Variants in IKBKE observed in about 807,000 individuals in gnomAD.
IKBKE encodes inhibitor of nuclear factor kappa-B kinase subunit epsilon.
A neutral mutation model predicts 92.1 loss-of-function variants in IKBKE; 45 were observed. The ratio of observed to expected loss-of-function variants is 0.49; its 90% confidence interval spans 0.38 to 0.63. The LOEUF is 0.63. Among genes scored for constraint, IKBKE ranks in the 20% least tolerant of loss-of-function variants. The probability of loss-of-function intolerance (pLI) is 0.00; values close to 1 mark genes in which losing one functional copy is unlikely to be tolerated. For missense variants in IKBKE, 700 were observed against 932.8 expected (o/e 0.75, Z 3.25); for synonymous variants, 374 against 380.3 (o/e 0.98, Z 0.19).
chr1:206,480,904 C>A (rs1239050389), intron 13 of IKBKE, among the ~76,000 whole-genome samples: 1 of 152,206 alleles, frequency 6.6e-6, no homozygotes, highest in Admixed American at 6.5e-5. Flanking sequence ...CACACACCCA[C>A]GCACAGTTCC....
Position 206,480,143 on chromosome 1 carries a change from G to C in IKBKE, c.1340+30G>C, listed in dbSNP as rs545789610. On this transcript the variant is annotated intron_variant, in intron 12 of 21. Transcript: ENST00000581977. ...GTAATCATGAGGGCTGGGCACAGAGGGGGAGGCGGGCAGGAGAGGGAGGCG... is the reference window on the plus strand; with the variant it reads ...GTAATCATGAGGGCTGGGCACAGAGCGGGAGGCGGGCAGGAGAGGGAGGCG... The C allele has an allele frequency of 1.7e-5, 25 of 1,503,726 alleles. 1 individual carries two copies. In the South Asian group the frequency reaches 2.1e-4, roughly 13 times the overall value. 93.1% of individuals were successfully genotyped at this position (1,503,726 alleles called of 1,614,324 possible).
chr1:206,488,199 C>T (rs1173140013), intron 16 of IKBKE, among the ~76,000 whole-genome samples: 3 of 152,248 alleles, frequency 2.0e-5, no homozygotes, highest in African/African-American at 7.2e-5. Flanking sequence ...GCCTGCAGGC[C>T]AGTGGGGGAC....
Position 206,491,745 on chromosome 1 carries a change from A to T in IKBKE, c.1831A>T (p.Met611Leu), listed in dbSNP as rs1553390471. The T allele has an allele frequency of 6.2e-7, 1 of 1,610,886 alleles. No homozygotes were observed. The highest frequency in any genetic ancestry group is 1.7e-5 in the Admixed American group (1 of 59,952). Residue 611 changes from methionine to leucine, a missense_variant, in exon 18 of 22, where the codon ATG (methionine) becomes TTG (leucine). Coordinates refer to ENST00000581977, the MANE Select transcript of IKBKE (RefSeq NM_014002.4). ...GTCCTTAGTCACACACGGCAAGAGGATGAGGTAACAGCCCCTCCTGAGCTC... is the reference window on the plus strand; with the variant it reads ...GTCCTTAGTCACACACGGCAAGAGGTTGAGGTAACAGCCCCTCCTGAGCTC... ...QASLVTHGKR[M>L]RVVHETRNHL...
At chr1:206,493,477 C>T in intron 20 of IKBKE, 99 bp downstream of exon 20, 12 of 888,518 alleles carry the variant, frequency 1.4e-5, no homozygotes, top group Non-Finnish European at 2.1e-5. Context: ...GGCGTCATGC[C>T]AGGCCTAGGA....
chr1:206,493,465 T>C (rs1383814704), intron 20 of IKBKE, 87 bp downstream of exon 20: 1 of 1,022,408 alleles, frequency 9.8e-7, no homozygotes, highest in East Asian at 2.5e-5. Flanking sequence ...CCTGAGGGGT[T>C]TGGCGTCATG....
At position 206,480,123 on chromosome 1, in the gene IKBKE, CATGAGGGCTGGGCACAGAGGGGG is replaced by C. The variant is rs782025170; in HGVS notation, c.1340+12_1340+34del. 3.9e-6 allele frequency: 6 copies of C among 1,551,650 alleles called. No individual in the cohort carries two copies. The African/African-American group carries it at 8.4e-5, about 22-fold the overall frequency. On this transcript the variant is annotated intron_variant, in intron 12 of 21. Coordinates refer to ENST00000581977, the MANE Select transcript of IKBKE (RefSeq NM_014002.4). The stretch of plus-strand genomic sequence containing the variant: ...GGCTGCACTGGGTCATGTGAGTAAT[CATGAGGGCTGGGCACAGAGGGGG>C]AGGCGGGCAGGAGAGGGAGGCGGAC...
chr1:206,494,592 C>CTGT (rs1666126121), intron 21 of IKBKE, among the ~76,000 whole-genome samples: 6 of 63,900 alleles, frequency 9.4e-5, no homozygotes, highest in Non-Finnish European at 9.0e-5. Context: ...AAAGTTCTTT[C>CTGT]TTTTTTTTTT....
intron 17 of IKBKE, chr1:206,491,344 C>T (rs1440276050): frequency 1.3e-5 from 5 of 386,444 alleles, no homozygotes; most frequent in African/African-American, 4.1e-5. Context: ...CTTCTTTCCA[C>T]GGCTGCCTCA....
At chr1:206,486,021 T>C (rs1223519978) in intron 15 of IKBKE, among the ~76,000 whole-genome samples, 3 of 152,218 alleles carry the variant, frequency 2.0e-5, no homozygotes, top group African/African-American at 7.2e-5. Flanking sequence ...CATCATCCCA[T>C]GGCCTCAATT....
chr1:206,474,019 T>C (rs1031806914), intron 3 of IKBKE, among the ~76,000 whole-genome samples: 2 of 150,318 alleles, frequency 1.3e-5, no homozygotes, highest in African/African-American at 4.9e-5. Context: ...TCCAATCCCT[T>C]CCCTGCTGCT....
Position 206,478,139 on chromosome 1 carries a change from C to G in IKBKE, c.813-21C>G. 5 of 1,610,326 alleles carry G rather than the reference C, an allele frequency of 3.1e-6. No individual in the cohort carries two copies. The highest frequency in any genetic ancestry group is 4.2e-6 in the Non-Finnish European group (5 of 1,178,448). On this transcript the variant is annotated intron_variant, in intron 8 of 21. Coordinates refer to ENST00000581977, the MANE Select transcript of IKBKE (RefSeq NM_014002.4). The surrounding 1 kb of genome is among the most constrained non-coding windows in gnomAD (Gnocchi z 4.8). ...GGTCTGGGCCCCCACCCCTGACAGT[C>G]TCCATGTCCTGGGAGGGCAGGGGGC...
chr1:206,482,756 T>C (rs1553387470), intron 13 of IKBKE, among the ~76,000 whole-genome samples: 1 of 152,226 alleles, frequency 6.6e-6, no homozygotes, highest in Non-Finnish European at 1.5e-5. Context: ...GGTTGCATGA[T>C]CTCTGCGGCC....
At position 206,488,010 on chromosome 1, in the gene IKBKE, A is replaced by T. The variant is rs782051883; in HGVS notation, c.1693+20A>T. The stretch of plus-strand genomic sequence containing the variant: ...GGCCAGGTGAGCCCGGGGAGGGCAG[A>T]TGCCCCTTCTCTCTCCTCTGTCTCC... On this transcript the variant is annotated intron_variant, in intron 16 of 21. Coordinates refer to ENST00000581977, the MANE Select transcript of IKBKE (RefSeq NM_014002.4). The T allele has an allele frequency of 5.1e-6, 8 of 1,566,118 alleles. No homozygotes were observed. In the East Asian group the frequency reaches 1.8e-4, roughly 35 times the overall value.
chr1:206,475,317 A>T (rs1187165332), intron 5 of IKBKE, among the ~76,000 whole-genome samples: 2 of 152,246 alleles, frequency 1.3e-5, no homozygotes, highest in Admixed American at 1.3e-4. Context: ...AAAAAGCCAG[A>T]CACAGAAGGA....
chr1:206,476,235 C>T lies in IKBKE; in HGVS notation c.413C>T (p.Pro138Leu), dbSNP rs1553385247. 1.2e-6 allele frequency: 2 copies of T among 1,614,144 alleles called. No homozygotes were observed. Among genetic ancestry groups the T allele is most frequent in the Non-Finnish European group, 1.7e-6 (2 of 1,180,022 alleles). Reference sequence around the variant, plus strand: ...GGCATTGTGCATCGCGACATCAAGCCGGGGAACATCATGCGCCTCGTAGGG... The same window carrying T: ...GGCATTGTGCATCGCGACATCAAGCTGGGGAACATCATGCGCCTCGTAGGG... ...ENGIVHRDIK[P>L]GNIMRLVGEE... The change falls in exon 6 of 22, where the codon CCG becomes CTG. Residue 138 changes from proline to leucine, a missense_variant. Coordinates refer to ENST00000581977, the MANE Select transcript of IKBKE (RefSeq NM_014002.4). The surrounding 1 kb of genome is among the most constrained non-coding windows in gnomAD (Gnocchi z 5.1).
In IKBKE at chr1:206,479,863, T is replaced by C. The variant is rs1186557635; in HGVS notation, c.1184-7T>C. On this transcript the variant is annotated splice_polypyrimidine_tract_variant and splice_region_variant and intron_variant, in intron 10 of 21. Coordinates refer to ENST00000581977, the MANE Select transcript of IKBKE (RefSeq NM_014002.4). ...GCAGGCCCCTCAGACAGGGTCTTTG[T>C]CTGCAGCTGCTCTGGACGTCCCCAA... 2.5e-6 allele frequency: 4 copies of C among 1,613,756 alleles called. No homozygotes were observed. Among genetic ancestry groups the C allele is most frequent in the Non-Finnish European group, 3.4e-6 (4 of 1,179,924 alleles).
At chr1:206,481,921 A>C (rs1665417256) in intron 13 of IKBKE, among the ~76,000 whole-genome samples, 1 of 151,072 alleles carries the variant, frequency 6.6e-6, no homozygotes, top group Non-Finnish European at 1.5e-5. Context: ...CTGGGACTAC[A>C]GGTGCCCGCC....
At chr1:206,489,400 T>TATATATATATATATATATATAG (rs879950187) in intron 16 of IKBKE, among the ~76,000 whole-genome samples, 2 of 110,602 alleles carry the variant, frequency 1.8e-5, no homozygotes, top group African/African-American at 6.5e-5. Flanking sequence ...TATATATATA[T>TATATATATATATATATATATAG]ACACACACAC....
intron 13 of IKBKE, 93 bp downstream of exon 13, chr1:206,480,626 C>A (rs1665331022): frequency 3.7e-6 from 3 of 813,320 alleles, no homozygotes; most frequent in Non-Finnish European, 6.0e-6. Context: ...TCTTCTCCCC[C>A]AAGCCAGGGC....
Sources: gnomAD v4.1 joint callset for allele counts (sites outside exome capture counted in the v4.1 genomes callset) on GRCh38, gnomAD v4.1.1 for gene constraint, Gnocchi (gnomAD v3.1) non-coding constraint, MANE v1.5 for transcripts, NCBI Gene and HGNC (gene_info 2026-07-23, HGNC 2026-07-21) for gene names.